The following PIK3C2G variants were observed in gnomAD, a reference collection of about 807,000 sequenced individuals.
PIK3C2G encodes the protein phosphatidylinositol-4-phosphate 3-kinase catalytic subunit type 2 gamma, also known as phosphatidylinositol 3-kinase C2 domain-containing subunit gamma.
PIK3C2G carries 168 observed loss-of-function variants against 181.1 expected under a neutral mutation model. The observed-to-expected ratio is 0.93, with a 90% confidence interval of 0.82 to 1.05. The LOEUF is 1.05. Among genes scored for constraint, PIK3C2G ranks in the 50% least tolerant of loss-of-function variants. The pLI is 0.00. For missense variants in PIK3C2G, 1,869 were observed against 1,732.8 expected (o/e 1.08, Z -1.40); for synonymous variants, 573 against 592.2 (o/e 0.97, Z 0.47).
intron 1 of PIK3C2G, among the ~76,000 whole-genome samples, chr12:18,280,696 G>T (rs967773698): frequency 6.6e-6 from 1 of 151,984 alleles, no homozygotes; most frequent in Admixed American, 6.6e-5. Flanking sequence ...ACTATAACCA[G>T]TGGAGATATT....
At chr12:18,430,011 C>T (rs1038180111) in intron 18 of PIK3C2G, among the ~76,000 whole-genome samples, 1 of 152,170 alleles carries the variant, frequency 6.6e-6, no homozygotes, top group Non-Finnish European at 1.5e-5. Context: ...CCCGAGATCT[C>T]ATCCTTGTTA....
At chr12:18,651,865 C>A (rs1196530585), downstream of PIK3C2G, among the ~76,000 whole-genome samples, 1 of 151,968 alleles carries the variant, frequency 6.6e-6, no homozygotes, top group Admixed American at 6.6e-5. Flanking sequence ...GAGCCAGGGG[C>A]AGGAATAAAT....
upstream of PIK3C2G, among the ~76,000 whole-genome samples, chr12:18,258,852 A>G (rs1948174847): frequency 6.6e-6 from 1 of 152,124 alleles, no homozygotes; most frequent in Admixed American, 6.6e-5. Flanking sequence ...AATGTCTAAA[A>G]GCTCTATCTT....
chr12:18,281,259 C>A (rs1219710425), intron 1 of PIK3C2G, among the ~76,000 whole-genome samples: 9 of 61,896 alleles, frequency 1.5e-4, no homozygotes, highest in Admixed American at 1.9e-4. Flanking sequence ...ATGGAAAATG[C>A]ATAATAGGCA....
chr12:18,514,440 T>C (rs1942404490), intron 24 of PIK3C2G, among the ~76,000 whole-genome samples: 3 of 151,868 alleles, frequency 2.0e-5, no homozygotes, highest in Admixed American at 1.3e-4. Flanking sequence ...TGCATAATAG[T>C]TTTTATCGCA....
chr12:18,618,021 C>T (rs1021161140), intron 31 of PIK3C2G, among the ~76,000 whole-genome samples: 4 of 152,124 alleles, frequency 2.6e-5, no homozygotes, highest in South Asian at 2.1e-4. Context: ...CTATATAAGA[C>T]ACCTTAATAA....
intron 29 of PIK3C2G, among the ~76,000 whole-genome samples, chr12:18,573,556 C>A (rs982918196): frequency 5.9e-5 from 9 of 152,202 alleles, no homozygotes; most frequent in African/African-American, 2.2e-4. Flanking sequence ...TGCCTTCCTT[C>A]CAGATCCTAC....
chr12:18,341,681 C>T (rs1174372941), intron 9 of PIK3C2G, among the ~76,000 whole-genome samples: 1 of 152,100 alleles, frequency 6.6e-6, no homozygotes, highest in Non-Finnish European at 1.5e-5. Context: ...TACTGGCACA[C>T]ATAGTAAGTA....
chr12:18,642,816 G>GTGTGTGTCTGTGTGTGTGTGTGTGTGTC (rs34243563), intron 32 of PIK3C2G, among the ~76,000 whole-genome samples: 1 of 148,852 alleles, frequency 6.7e-6, no homozygotes, highest in African/African-American at 2.6e-5. Context: ...GTGTGTGTGT[G>GTGTGTGTCTGTGTGTGTGTGTGTGTGTC]TGTGTGTATA....
rs925292581 is a variant in PIK3C2G at position 18,411,411 on chromosome 12, G to A, written c.2316-9530G>A. 2.0e-5 allele frequency among the ~76,000 whole-genome samples: 3 copies of A among 151,960 alleles called. No individual in the cohort carries two copies. The South Asian group carries it at 6.2e-4, about 32-fold the overall frequency. ...TAAACTAGGTCTCAAGTTTCTTTGG[G>A]TTCTAATATTCTGTAACCATATAAA... On this transcript the variant is annotated intron_variant, in intron 16 of 32. Transcript: ENST00000538779.
chr12:18,430,340 T>C (rs1296879965), intron 18 of PIK3C2G, among the ~76,000 whole-genome samples: 2 of 152,136 alleles, frequency 1.3e-5, no homozygotes, highest in African/African-American at 4.8e-5. Context: ...GAAACCATAT[T>C]ATAACACAGC....
chr12:18,630,193 C>T (rs1949290375), intron 31 of PIK3C2G, among the ~76,000 whole-genome samples: 1 of 152,076 alleles, frequency 6.6e-6, no homozygotes, highest in Non-Finnish European at 1.5e-5. Context: ...GAATTTGACA[C>T]CAGCCTGGCC....
intron 1 of PIK3C2G, among the ~76,000 whole-genome samples, chr12:18,278,627 T>C (rs1949083973): frequency 6.6e-6 from 1 of 152,162 alleles, no homozygotes; most frequent in Non-Finnish European, 1.5e-5. Context: ...AATCAGGGAC[T>C]CTTAGACATG....
At chr12:18,639,027 T>C (rs925114422) in intron 31 of PIK3C2G, among the ~76,000 whole-genome samples, 8 of 151,584 alleles carry the variant, frequency 5.3e-5, no homozygotes, top group African/African-American at 1.9e-4. Context: ...GATTTCATTA[T>C]ACCATTGATA....
intron 12 of PIK3C2G, 107 bp downstream of exon 12, chr12:18,362,993 T>A (rs1043672538): frequency 1.2e-6 from 1 of 806,074 alleles, no homozygotes. Context: ...ATGCTGCCAG[T>A]TGATTTGATT....
intron 18 of PIK3C2G, among the ~76,000 whole-genome samples, chr12:18,483,668 T>C (rs974185786): frequency 1.3e-5 from 2 of 151,794 alleles, no homozygotes; most frequent in African/African-American, 4.8e-5. Flanking sequence ...CCCCAAAATA[T>C]CCTCAGGGAT....
intron 11 of PIK3C2G, among the ~76,000 whole-genome samples, chr12:18,352,979 G>A (rs1940370479): frequency 6.6e-6 from 1 of 152,162 alleles, no homozygotes; most frequent in Admixed American, 6.5e-5. Flanking sequence ...ATAGGATGGT[G>A]GGTGGGACAG....
chr12:18,606,183 A>G (rs1216877509), intron 30 of PIK3C2G, among the ~76,000 whole-genome samples: 2 of 152,150 alleles, frequency 1.3e-5, no homozygotes, highest in Non-Finnish European at 2.9e-5. Context: ...AGGGAGAACT[A>G]TCATCTTCAG....
chr12:18,358,685 C>T (rs1380974701), intron 11 of PIK3C2G: 4 of 492,796 alleles, frequency 8.1e-6, no homozygotes, highest in Non-Finnish European at 1.6e-5. Flanking sequence ...ACAAAATCCT[C>T]ATCTCTTCCA....
Sources: gnomAD v4.1 joint callset for allele counts (sites outside exome capture counted in the v4.1 genomes callset) on GRCh38, gnomAD v4.1.1 for gene constraint, MANE v1.5 for transcripts, NCBI Gene and HGNC (gene_info 2026-07-23, HGNC 2026-07-21) for gene names.